The following KCNJ3 variants were observed in gnomAD, a reference collection of about 807,000 sequenced individuals.
KCNJ3 encodes the protein potassium inwardly rectifying channel subfamily J member 3, also known as G protein-activated inward rectifier potassium channel 1.
A neutral mutation model predicts 39.2 loss-of-function variants in KCNJ3; 4 were observed. The ratio of observed to expected loss-of-function variants is 0.10; its 90% confidence interval spans 0.05 to 0.23. KCNJ3 has a LOEUF of 0.23. KCNJ3 is among the 10% of genes least tolerant of loss of function. The probability of loss-of-function intolerance (pLI) is 1.00; values close to 1 mark genes in which losing one functional copy is unlikely to be tolerated. For missense variants in KCNJ3, 276 were observed against 634.9 expected (o/e 0.43, Z 6.08); for synonymous variants, 230 against 237.4 (o/e 0.97, Z 0.29).
At chr2:154,726,983 A>C (rs536813173) in intron 2 of KCNJ3, among the ~76,000 whole-genome samples, 10 of 152,218 alleles carry the variant, frequency 6.6e-5, no homozygotes, top group Non-Finnish European at 1.3e-4. Context: ...CAAAGGCATA[A>C]GAATGATCAG....
intron 2 of KCNJ3, among the ~76,000 whole-genome samples, chr2:154,848,117 C>CTA (rs978381254): frequency 2.0e-5 from 3 of 152,060 alleles, no homozygotes; most frequent in Admixed American, 6.6e-5. Context: ...CATATACCAC[C>CTA]TATATATATT....
At position 154,699,415 on chromosome 2, in the gene KCNJ3, CG is replaced by C. The variant is rs1172353634; in HGVS notation, c.643del (p.Val215TrpfsTer39). 6.2e-7 allele frequency: 1 copy of C among 1,605,160 alleles called. No individual in the cohort carries two copies. On this transcript the variant is annotated frameshift_variant, in exon 1 of 3. Transcript: ENST00000295101. LOFTEE classifies it high-confidence loss of function. This position sits in a 1 kb window ranked among gnomAD's most constrained non-coding sequence, Gnocchi z 6.4. ...MRDGKLTLMF[R>X]VGNLRNSHMV... Reference sequence around the variant, plus strand: ...GGACGGAAAACTCACGCTTATGTTCCGGGTGGGCAACCTGCGCAACAGCCAC... The same window carrying C: ...GGACGGAAAACTCACGCTTATGTTCCGGTGGGCAACCTGCGCAACAGCCAC...
chr2:154,737,860 A>G (rs1273550224), intron 2 of KCNJ3, among the ~76,000 whole-genome samples: 1 of 152,144 alleles, frequency 6.6e-6, no homozygotes, highest in Non-Finnish European at 1.5e-5. Context: ...CAGTGGCCAC[A>G]AATTTTCCAA....
At chr2:154,849,852 C>T (rs1687723720) in intron 2 of KCNJ3, among the ~76,000 whole-genome samples, 1 of 151,954 alleles carries the variant, frequency 6.6e-6, no homozygotes, top group Non-Finnish European at 1.5e-5. Flanking sequence ...AGTTTAGAGG[C>T]AGAATCAGGA....
intron 2 of KCNJ3, among the ~76,000 whole-genome samples, chr2:154,834,118 C>T (rs1215605604): frequency 6.6e-6 from 1 of 152,132 alleles, no homozygotes; most frequent in Non-Finnish European, 1.5e-5. Context: ...AACTGGCAAA[C>T]TGTCTTCAAA....
intron 2 of KCNJ3, among the ~76,000 whole-genome samples, chr2:154,759,112 C>A (rs1199199057): frequency 6.6e-6 from 1 of 152,060 alleles, no homozygotes; most frequent in Non-Finnish European, 1.5e-5. Flanking sequence ...TATTAAATGC[C>A]CATTTATAAT....
intron 2 of KCNJ3, among the ~76,000 whole-genome samples, chr2:154,730,135 G>A (rs1407897925): frequency 4.0e-5 from 6 of 151,896 alleles, no homozygotes; most frequent in Admixed American, 3.9e-4. Flanking sequence ...TGCAACTAAG[G>A]ACCAACAGGG....
chr2:154,745,284 G>A (rs557772077), intron 2 of KCNJ3, among the ~76,000 whole-genome samples: 1 of 152,024 alleles, frequency 6.6e-6, no homozygotes, highest in African/African-American at 2.4e-5. Flanking sequence ...AGGTTTTTGT[G>A]TAATTGTTTT....
At chr2:154,752,820 A>G (rs1425380741) in intron 2 of KCNJ3, among the ~76,000 whole-genome samples, 1 of 152,080 alleles carries the variant, frequency 6.6e-6, no homozygotes, top group Non-Finnish European at 1.5e-5. Flanking sequence ...CTATAAGTAA[A>G]GGAAGTTATT....
At chr2:154,807,013 G>A (rs1432837513) in intron 2 of KCNJ3, among the ~76,000 whole-genome samples, 1 of 152,144 alleles carries the variant, frequency 6.6e-6, no homozygotes, top group African/African-American at 2.4e-5. Flanking sequence ...AAATGCCTCT[G>A]TTTCCATAAT....
chr2:154,740,529 A>G (rs560956544), intron 2 of KCNJ3, among the ~76,000 whole-genome samples: 1 of 152,106 alleles, frequency 6.6e-6, no homozygotes, highest in South Asian at 2.1e-4. Flanking sequence ...GTCACGCCCT[A>G]GATGAGACTT....
chr2:154,823,313 G>C (rs1377579335), intron 2 of KCNJ3, among the ~76,000 whole-genome samples: 3 of 151,526 alleles, frequency 2.0e-5, no homozygotes, highest in Non-Finnish European at 4.4e-5. Flanking sequence ...GAATTAGAAG[G>C]GCAGAAGGAG....
At chr2:154,761,062 C>CTTTTTTTTTTTTT (rs11375045) in intron 2 of KCNJ3, among the ~76,000 whole-genome samples, 2 of 133,932 alleles carry the variant, frequency 1.5e-5, no homozygotes, top group Non-Finnish European at 3.1e-5. Context: ...TTAATTTTTT[C>CTTTTTTTTTTTTT]TTTTTTTTTT....
At chr2:154,720,739 A>T (rs1223900683) in intron 2 of KCNJ3, among the ~76,000 whole-genome samples, 1 of 152,114 alleles carries the variant, frequency 6.6e-6, no homozygotes, top group East Asian at 1.9e-4. Flanking sequence ...TGCTTTGATG[A>T]CTAGAGAAGG....
chr2:154,816,191 A>G lies in KCNJ3; in HGVS notation c.920-38536A>G, dbSNP rs564049351. Among the ~76,000 whole-genome samples the G allele has an allele frequency of 2.0e-5, 3 of 152,346 alleles. No homozygotes were observed. In the South Asian group the frequency reaches 6.2e-4, roughly 32 times the overall value. ...AGTAAATTACTTAACATGATCAAAC[A>G]GTTAAAAAATTTTATAAAAGTAGCT... On this transcript the variant is annotated intron_variant, in intron 2 of 2. Coordinates refer to ENST00000295101, the MANE Select transcript of KCNJ3 (RefSeq NM_002239.4).
intron 2 of KCNJ3, among the ~76,000 whole-genome samples, chr2:154,771,933 A>C (rs1686249401): frequency 6.6e-6 from 1 of 152,196 alleles, no homozygotes; most frequent in African/African-American, 2.4e-5. Context: ...GTCACTTGTT[A>C]CTAAGTATTA....
chr2:154,757,545 T>C lies in KCNJ3; in HGVS notation c.919+47726T>C, dbSNP rs553449380. Among the ~76,000 whole-genome samples the C allele has an allele frequency of 2.4e-4, 37 of 152,310 alleles. 1 individual carries two copies. Among genetic ancestry groups the C allele is most frequent in the Non-Finnish European group, 3.7e-4 (25 of 68,018 alleles). ...TTTTTCTCCACGAGATCTTATTATG[T>C]AGTAAGAATTAGAAAAAAGGATGTA... On this transcript the variant is annotated intron_variant, in intron 2 of 2. Coordinates refer to ENST00000295101, the MANE Select transcript of KCNJ3 (RefSeq NM_002239.4).
chr2:154,839,424 G>T (rs563024024), intron 2 of KCNJ3, among the ~76,000 whole-genome samples: 1 of 152,248 alleles, frequency 6.6e-6, no homozygotes, highest in African/African-American at 2.4e-5. Flanking sequence ...TAGTAGCATG[G>T]TTTATAATCC....
At chr2:154,825,173 C>T (rs1267342436) in intron 2 of KCNJ3, among the ~76,000 whole-genome samples, 2 of 152,168 alleles carry the variant, frequency 1.3e-5, no homozygotes, top group African/African-American at 4.8e-5. Flanking sequence ...TTCCTCCCAA[C>T]TTACCCTTTT....
Sources: allele counts gnomAD v4.1 joint callset (sites outside exome capture counted in the v4.1 genomes callset), GRCh38; gene constraint gnomAD v4.1.1; non-coding constraint Gnocchi (gnomAD v3.1); transcripts MANE v1.5; gene names NCBI Gene and HGNC (gene_info 2026-07-23, HGNC 2026-07-21).